DLG2: variants seen among roughly 807,000 people sequenced by gnomAD.
DLG2 encodes discs large MAGUK scaffold protein 2, also known as disks large homolog 2.
A neutral mutation model predicts 132.5 loss-of-function variants in DLG2; 45 were observed. The ratio of observed to expected loss-of-function variants is 0.34; its 90% confidence interval spans 0.27 to 0.44. DLG2 has a LOEUF of 0.44. Among genes scored for constraint, DLG2 ranks in the 20% least tolerant of loss-of-function variants. DLG2 has a pLI of 1.00. For missense variants in DLG2, 1,045 were observed against 1,196.9 expected, an observed-to-expected ratio of 0.87 and a Z score of 1.87; for synonymous variants, 424 against 419.6, an observed-to-expected ratio of 1.01 and a Z score of -0.13.
At chr11:85,030,088 G>A (rs1006782807) in intron 6 of DLG2, among the ~76,000 whole-genome samples, 1 of 152,130 alleles carries the variant, frequency 6.6e-6, no homozygotes, top group Admixed American at 6.5e-5. Context: ...ACCCTAGCGG[G>A]GAAGGCTGCC....
chr11:83,978,905 G>A (rs1387868371), intron 12 of DLG2, among the ~76,000 whole-genome samples: 1 of 152,104 alleles, frequency 6.6e-6, no homozygotes, highest in Non-Finnish European at 1.5e-5. Flanking sequence ...GTAATGAGTG[G>A]TGCTAGCCAG....
intron 3 of DLG2, among the ~76,000 whole-genome samples, chr11:85,526,324 G>C (rs766841306): frequency 2.0e-5 from 3 of 151,998 alleles, no homozygotes; most frequent in African/African-American, 7.3e-5. Context: ...TTATATAGAG[G>C]AACAAAGATA....
intron 17 of DLG2, among the ~76,000 whole-genome samples, chr11:83,831,884 T>C (rs1382411572): frequency 6.6e-6 from 1 of 151,824 alleles, no homozygotes; most frequent in Non-Finnish European, 1.5e-5. Flanking sequence ...CAATAAATAT[T>C]TGAATAAGTT....
chr11:83,786,666 T>C (rs768690409), intron 18 of DLG2, 24 bp downstream of exon 18: 1 of 1,554,498 alleles, frequency 6.4e-7, no homozygotes, highest in Non-Finnish European at 8.9e-7. Context: ...TATCAGAACA[T>C]TATTAGTTTG....
chr11:85,578,676 A>G (rs1247642544), intron 3 of DLG2, among the ~76,000 whole-genome samples: 1 of 152,210 alleles, frequency 6.6e-6, no homozygotes, highest in Non-Finnish European at 1.5e-5. Context: ...CAAAACTACA[A>G]TGAGATACCA....
intron 15 of DLG2, among the ~76,000 whole-genome samples, chr11:83,929,831 G>A (rs559822578): frequency 6.6e-6 from 1 of 152,198 alleles, no homozygotes; most frequent in South Asian, 2.1e-4. Flanking sequence ...TTTTGGACAA[G>A]TTGCTTAATA....
chr11:83,519,115 C>G (rs550940936), intron 21 of DLG2, among the ~76,000 whole-genome samples: 2 of 152,276 alleles, frequency 1.3e-5, no homozygotes, highest in Admixed American at 6.5e-5. Context: ...TCCAAGGTGT[C>G]AGTCTCAGTA....
At chr11:84,716,770 GT>G (rs1210079562) in intron 6 of DLG2, among the ~76,000 whole-genome samples, 1 of 151,642 alleles carries the variant, frequency 6.6e-6, no homozygotes, top group East Asian at 1.9e-4. Context: ...TTGGAAGAAG[GT>G]TATTTTGGTT....
At chr11:83,824,212 G>T (rs192938659) in intron 17 of DLG2, among the ~76,000 whole-genome samples, 1 of 152,112 alleles carries the variant, frequency 6.6e-6, no homozygotes, top group African/African-American at 2.4e-5. Flanking sequence ...CTTTCTAGGG[G>T]CCCTCTTTGT....
intron 6 of DLG2, among the ~76,000 whole-genome samples, chr11:84,593,424 G>C (rs2042990815): frequency 6.6e-6 from 1 of 152,092 alleles, no homozygotes. Flanking sequence ...ACTAGAAAAA[G>C]AAAATGTGCA....
intron 14 of DLG2, among the ~76,000 whole-genome samples, chr11:83,937,719 A>G (rs566598035): frequency 1.4e-3 from 208 of 152,298 alleles, no homozygotes; most frequent in African/African-American, 4.9e-3. Flanking sequence ...ACACACACAC[A>G]TATAAATAAC....
chr11:85,134,450 A>C (rs561125531), intron 5 of DLG2, among the ~76,000 whole-genome samples: 1 of 137,984 alleles, frequency 7.2e-6, no homozygotes, highest in Non-Finnish European at 1.5e-5. Flanking sequence ...AATGGCGTGA[A>C]CCCGGGAGGC....
chr11:84,847,925 G>A (rs1355432155), intron 6 of DLG2, among the ~76,000 whole-genome samples: 1 of 152,168 alleles, frequency 6.6e-6, no homozygotes, highest in East Asian at 1.9e-4. Context: ...GCTTAGACTG[G>A]GAGGGACAGA....
chr11:85,483,236 A>G (rs2093340868), intron 3 of DLG2, among the ~76,000 whole-genome samples: 1 of 152,182 alleles, frequency 6.6e-6, no homozygotes, highest in African/African-American at 2.4e-5. Context: ...CCATATATGA[A>G]TAAGTTCCAA....
At chr11:84,602,468 TAAGA>T (rs557762539) in intron 6 of DLG2, among the ~76,000 whole-genome samples, 380 of 152,114 alleles carry the variant, frequency 2.5e-3, no homozygotes, top group African/African-American at 8.4e-3. Context: ...AGTTTCTAAA[TAAGA>T]AAGAGACAAA....
intron 8 of DLG2, among the ~76,000 whole-genome samples, chr11:84,191,623 C>T (rs959083529): frequency 1.3e-5 from 2 of 152,154 alleles, no homozygotes; most frequent in Non-Finnish European, 2.9e-5. Flanking sequence ...TTCTGAAATA[C>T]CTTATCAAAC....
At chr11:84,528,758 T>C (rs558167361) in intron 7 of DLG2, among the ~76,000 whole-genome samples, 21 of 152,358 alleles carry the variant, frequency 1.4e-4, no homozygotes, top group Admixed American at 9.1e-4. Flanking sequence ...TTTTTAGCAG[T>C]TCCCTGATTC....
chr11:84,007,415 C>T (rs994467499), intron 11 of DLG2, among the ~76,000 whole-genome samples: 9 of 151,608 alleles, frequency 5.9e-5, no homozygotes, highest in Non-Finnish European at 1.2e-4. Context: ...TATTTTATTG[C>T]AACTAAATAT....
At chr11:83,777,449 A>C (rs1419617294) in intron 18 of DLG2, among the ~76,000 whole-genome samples, 1 of 152,214 alleles carries the variant, frequency 6.6e-6, no homozygotes, top group East Asian at 1.9e-4. Flanking sequence ...AGACATCTCC[A>C]CTATTTCAGC....
Sources: gnomAD v4.1 joint callset for allele counts (sites outside exome capture counted in the v4.1 genomes callset) on GRCh38, gnomAD v4.1.1 for gene constraint, MANE v1.5 for transcripts, NCBI Gene and HGNC (gene_info 2026-07-23, HGNC 2026-07-21) for gene names.